The following DMD variants were observed in gnomAD, a reference collection of about 807,000 sequenced individuals.
DMD encodes the protein dystrophin, also known as mutant dystrophin.
DMD carries 63 observed loss-of-function variants against 330.1 expected under a neutral mutation model. The observed-to-expected ratio is 0.19, with a 90% CI of 0.16 to 0.24. The LOEUF (loss-of-function observed/expected upper bound fraction) is 0.24. DMD is among the 10% of genes least tolerant of loss of function. DMD has a pLI of 1.00. For missense variants in DMD, 3,344 were observed against 2,684.1 expected (o/e 1.25, Z -5.43); for synonymous variants, 1,223 against 959.8 (o/e 1.27, Z -5.07).
rs2092810211 is a variant in DMD at position 32,985,137 on chromosome X, A to T, written c.93+35002T>A. On this transcript the variant is annotated intron_variant, in intron 2 of 78. Coordinates refer to ENST00000357033, the MANE Select transcript of DMD (RefSeq NM_004006.3). ...TTGATAAAGAAATCCTAAGCTCTAC[A>T]TCTGTATAAGAATGTATCATCCTTT... Among the ~76,000 whole-genome samples the T allele has an allele frequency of 2.7e-5, 3 of 112,530 alleles. No homozygotes were observed. The South Asian group carries it at 1.1e-3, about 41-fold the overall frequency.
intron 41 of DMD, among the ~76,000 whole-genome samples, chrX:32,334,701 C>A (rs1209802528): frequency 9.0e-6 from 1 of 111,527 alleles, no homozygotes; most frequent in East Asian, 2.8e-4. Flanking sequence ...ATTTCACCAT[C>A]ACTCAAATAA....
At chrX:33,044,097 T>A (rs1233540998) in intron 1 of DMD, among the ~76,000 whole-genome samples, 1 of 111,201 alleles carries the variant, frequency 9.0e-6, no homozygotes, top group Non-Finnish European at 1.9e-5. Context: ...ACAGACCAAT[T>A]TGCTTCCAGT....
intron 57 of DMD, among the ~76,000 whole-genome samples, chrX:31,484,630 A>G (rs2068648083): frequency 8.9e-6 from 1 of 111,903 alleles, no homozygotes; most frequent in Non-Finnish European, 1.9e-5. Context: ...TGAGCTTCTT[A>G]AGGTTCACAA....
At chrX:33,337,342 A>C (rs988564966) in intron 1 of DMD, among the ~76,000 whole-genome samples, 6 of 111,440 alleles carry the variant, frequency 5.4e-5, no homozygotes, top group African/African-American at 2.0e-4. Flanking sequence ...CTGTATTTTA[A>C]ACAACAGTAT....
intron 1 of DMD, among the ~76,000 whole-genome samples, chrX:33,183,951 G>T (rs954547106): frequency 9.0e-6 from 1 of 111,717 alleles, no homozygotes; most frequent in Admixed American, 9.5e-5. Context: ...AAAAGTGAAT[G>T]CTTATAAAGA....
At chrX:33,236,082 A>T (rs1221542799) in intron 1 of DMD, among the ~76,000 whole-genome samples, 2 of 102,976 alleles carry the variant, frequency 1.9e-5, no homozygotes, top group Non-Finnish European at 3.9e-5. Context: ...CGCCCGGCTA[A>T]TTTTTTTGTA....
intron 1 of DMD, among the ~76,000 whole-genome samples, chrX:33,131,042 C>T (rs765993205): frequency 9.0e-6 from 1 of 111,259 alleles, no homozygotes; most frequent in Non-Finnish European, 1.9e-5. Flanking sequence ...CTTAAGAATC[C>T]AGCTCTACCT....
At chrX:33,114,316 G>T (rs2095365149) in intron 1 of DMD, among the ~76,000 whole-genome samples, 1 of 109,378 alleles carries the variant, frequency 9.1e-6, no homozygotes, top group Non-Finnish European at 1.9e-5. Flanking sequence ...CACCATGTTG[G>T]CCAGGCTGGT....
At chrX:32,695,652 A>C (rs776614656) in intron 9 of DMD, among the ~76,000 whole-genome samples, 1 of 111,876 alleles carries the variant, frequency 8.9e-6, no homozygotes, top group South Asian at 3.7e-4. Context: ...AGAGTTGAAA[A>C]TTAATTGGAA....
chrX:32,999,634 G>T (rs1256676820), intron 2 of DMD, among the ~76,000 whole-genome samples: 1 of 110,444 alleles, frequency 9.1e-6, no homozygotes, highest in Admixed American at 9.7e-5. Context: ...AAATTAGCCG[G>T]GTGTGGTGGC....
chrX:31,893,785 A>T (rs1199271634), intron 47 of DMD, among the ~76,000 whole-genome samples: 3 of 111,314 alleles, frequency 2.7e-5, no homozygotes, highest in Non-Finnish European at 3.8e-5. Flanking sequence ...GAGGTTTGGA[A>T]GTCAGGCAAC....
chrX:32,138,914 T>A (rs940284556), intron 44 of DMD, among the ~76,000 whole-genome samples: 16 of 112,395 alleles, frequency 1.4e-4, no homozygotes, highest in African/African-American at 4.5e-4. Context: ...CACATAATTA[T>A]CAGTCCGTTC....
intron 7 of DMD, among the ~76,000 whole-genome samples, chrX:32,741,692 C>G (rs750664974): frequency 9.0e-6 from 1 of 111,642 alleles, no homozygotes; most frequent in East Asian, 2.8e-4. Flanking sequence ...ATGAGAGGGT[C>G]CAAAGCTTTT....
At chrX:32,276,167 G>T (rs543925795) in intron 43 of DMD, among the ~76,000 whole-genome samples, 1 of 112,357 alleles carries the variant, frequency 8.9e-6, no homozygotes, top group South Asian at 3.7e-4. Context: ...TGTGCACGGA[G>T]GGAATATTTG....
chrX:32,052,960 A>C (rs979838251), intron 44 of DMD, among the ~76,000 whole-genome samples: 1 of 111,416 alleles, frequency 9.0e-6, no homozygotes, highest in Non-Finnish European at 1.9e-5. Flanking sequence ...TCTTGATGAA[A>C]GACTTTGGGA....
At chrX:31,949,890 C>T (rs1043418416) in intron 45 of DMD, among the ~76,000 whole-genome samples, 3 of 104,209 alleles carry the variant, frequency 2.9e-5, no homozygotes, top group Non-Finnish European at 6.0e-5. Flanking sequence ...TTTGGTAATT[C>T]TTTTTTTTTT....
intron 60 of DMD, among the ~76,000 whole-genome samples, chrX:31,364,619 C>T (rs892705260): frequency 8.9e-6 from 1 of 112,291 alleles, no homozygotes; most frequent in Non-Finnish European, 1.9e-5. Flanking sequence ...ATCACAATAA[C>T]TATTCAGAGC....
chrX:33,274,330 G>C (rs1175544540), intron 1 of DMD, among the ~76,000 whole-genome samples: 1 of 111,887 alleles, frequency 8.9e-6, no homozygotes, highest in Non-Finnish European at 1.9e-5. Context: ...AAAGGTCTAA[G>C]CTGAAAATAT....
Position 31,714,895 on chromosome X carries a change from C to T in DMD, c.7660+14736G>A, listed in dbSNP as rs766702274. Reference sequence around the variant, plus strand: ...GTTAAGTCCTAAAATTTGTAAAATTCGTTACCTACTTAATGAAGTGTAAAG... The same window carrying T: ...GTTAAGTCCTAAAATTTGTAAAATTTGTTACCTACTTAATGAAGTGTAAAG... On this transcript the variant is annotated intron_variant, in intron 52 of 78. Coordinates refer to ENST00000357033, the MANE Select transcript of DMD (RefSeq NM_004006.3). Among the ~76,000 whole-genome samples, 43 of 111,529 alleles carry T rather than the reference C, an allele frequency of 3.9e-4. No individual in the cohort carries two copies. In the South Asian group the frequency reaches 0.011, roughly 27 times the overall value.
Sources: gnomAD v4.1 joint callset for allele counts (sites outside exome capture counted in the v4.1 genomes callset) on GRCh38, gnomAD v4.1.1 for gene constraint, MANE v1.5 for transcripts, NCBI Gene and HGNC (gene_info 2026-07-23, HGNC 2026-07-21) for gene names.